Variants in DPP6 observed in about 807,000 individuals in gnomAD.
DPP6 encodes A-type potassium channel modulatory protein DPP6.
Under a neutral mutation model 122.6 loss-of-function variants are expected in DPP6, and 69 were observed. That is an observed-to-expected ratio of 0.56 (90% CI 0.46 to 0.69). DPP6 has a LOEUF of 0.69. DPP6 is among the 30% of genes least tolerant of loss of function. DPP6 has a pLI of 0.00. For missense variants in DPP6, 928 were observed against 1,116.9 expected (o/e 0.83, Z 2.41); for synonymous variants, 418 against 433.1 (o/e 0.97, Z 0.43).
chr7:154,574,236 T>C (rs1285133901), intron 5 of DPP6, among the ~76,000 whole-genome samples: 3 of 138,206 alleles, frequency 2.2e-5, no homozygotes, highest in African/African-American at 8.2e-5. Flanking sequence ...GTGTGTGTGG[T>C]GTGGTGTGTA....
At chr7:153,821,860 A>T in the DPP6 span, among the ~76,000 whole-genome samples, 4 of 151,890 alleles carry the variant, frequency 2.6e-5, no homozygotes, top group Admixed American at 1.3e-4. Flanking sequence ...CTCCAGTGAC[A>T]AGCTCTGTGA....
At chr7:154,888,652 T>A (rs1029475264) in intron 23 of DPP6, among the ~76,000 whole-genome samples, 10 of 152,218 alleles carry the variant, frequency 6.6e-5, no homozygotes, top group Non-Finnish European at 1.2e-4. Context: ...AGGAAACTCT[T>A]CCTTTTTCCC....
In DPP6 at chr7:154,833,976, G is replaced by A. The variant is rs1266994881; in HGVS notation, c.1667-19804G>A. The stretch of plus-strand genomic sequence containing the variant: ...TCTTCACGCAGACAAGAATAAGGAC[G>A]CCTGTCCTCTGAGTACTCACTGCCC... On this transcript the variant is annotated intron_variant, in intron 16 of 25. Coordinates refer to ENST00000377770, the MANE Select transcript of DPP6 (RefSeq NM_130797.4). This position sits in a 1 kb window ranked among gnomAD's most constrained non-coding sequence, Gnocchi z 4.3. 1.3e-5 allele frequency among the ~76,000 whole-genome samples: 2 copies of A among 152,190 alleles called. No individual in the cohort carries two copies. The highest frequency in any genetic ancestry group is 4.8e-5 in the African/African-American group (2 of 41,534).
At chr7:153,859,298 G>A in the DPP6 span, among the ~76,000 whole-genome samples, 13,243 of 152,148 alleles carry the variant, frequency 0.087, 657 homozygotes, top group East Asian at 0.15. Context: ...TTGGCTGAGC[G>A]ACACATGCAA....
At chr7:154,686,345 T>C (rs1388712574) in intron 7 of DPP6, among the ~76,000 whole-genome samples, 1 of 152,010 alleles carries the variant, frequency 6.6e-6, no homozygotes, top group East Asian at 1.9e-4. Context: ...ACCTCTTAAA[T>C]GCACTGTAAA....
chr7:154,701,684 G>T (rs781254420), intron 7 of DPP6, among the ~76,000 whole-genome samples: 5 of 152,178 alleles, frequency 3.3e-5, no homozygotes, highest in Admixed American at 6.5e-5. Context: ...TTCTATGGCT[G>T]CCACCTGTGA....
chr7:154,623,651 ACGCGCACACACACG>A (rs1834872656), intron 5 of DPP6, among the ~76,000 whole-genome samples: 1 of 144,672 alleles, frequency 6.9e-6, no homozygotes, highest in African/African-American at 2.7e-5. Flanking sequence ...ACGCGCACAC[ACGCGCACACACACG>A]CACACACACA....
intron 1 of DPP6, among the ~76,000 whole-genome samples, chr7:154,296,376 C>T (rs1248195194): frequency 6.6e-6 from 1 of 152,150 alleles, no homozygotes; most frequent in African/African-American, 2.4e-5. Flanking sequence ...GACCAAAAGA[C>T]ATTTATTTAC....
At chr7:154,302,442 A>C (rs1805973737) in intron 1 of DPP6, among the ~76,000 whole-genome samples, 1 of 152,248 alleles carries the variant, frequency 6.6e-6, no homozygotes, top group African/African-American at 2.4e-5. Flanking sequence ...GAATGTTCCA[A>C]GGAAAGGTAC....
At chr7:153,979,455 A>G (rs542827245) in intron 1 of DPP6, among the ~76,000 whole-genome samples, 3 of 152,354 alleles carry the variant, frequency 2.0e-5, no homozygotes, top group Non-Finnish European at 2.9e-5. Flanking sequence ...GGCTGAGGCA[A>G]TGGGATTTTC....
intron 8 of DPP6, among the ~76,000 whole-genome samples, chr7:154,744,311 T>C (rs541847992): frequency 6.6e-6 from 1 of 152,282 alleles, no homozygotes; most frequent in East Asian, 1.9e-4. Context: ...CAGCAGCCAG[T>C]AAAGCTAGAA....
chr7:154,060,383 A>C (rs1210375245), intron 1 of DPP6, among the ~76,000 whole-genome samples: 595 of 36,146 alleles, frequency 0.016, 1 homozygote, highest in African/African-American at 0.027. Flanking sequence ...TGGTTCCCCC[A>C]CTGGCTCTTA....
chr7:154,552,770 C>T (rs981625218), intron 4 of DPP6, among the ~76,000 whole-genome samples: 10 of 152,154 alleles, frequency 6.6e-5, no homozygotes, highest in Non-Finnish European at 1.3e-4. Context: ...GGAGGGGACT[C>T]CTCATATCTG....
chr7:154,824,909 G>A (rs979702641), intron 16 of DPP6, among the ~76,000 whole-genome samples: 22 of 152,186 alleles, frequency 1.4e-4, no homozygotes, highest in Non-Finnish European at 2.4e-4. Flanking sequence ...GACAGGAACC[G>A]TTGTGACTCA....
chr7:154,822,455 C>T (rs1440892980), intron 16 of DPP6, among the ~76,000 whole-genome samples: 1 of 152,158 alleles, frequency 6.6e-6, no homozygotes, highest in Non-Finnish European at 1.5e-5. Flanking sequence ...TTTAATCATA[C>T]CCTAAGGCCC....
chr7:154,179,998 G>A (rs1463983323), intron 1 of DPP6, among the ~76,000 whole-genome samples: 4 of 152,148 alleles, frequency 2.6e-5, no homozygotes, highest in African/African-American at 9.7e-5. Context: ...GTTTAAAAAT[G>A]TTGAAAGGTC....
chr7:154,683,829 C>G (rs1294544820), intron 7 of DPP6, among the ~76,000 whole-genome samples: 1 of 152,160 alleles, frequency 6.6e-6, no homozygotes, highest in Non-Finnish European at 1.5e-5. Flanking sequence ...ACTGCGAAGA[C>G]TTTGTATTTG....
intron 1 of DPP6, among the ~76,000 whole-genome samples, chr7:154,331,122 TC>T (rs1808894369): frequency 6.6e-6 from 1 of 152,108 alleles, no homozygotes; most frequent in Admixed American, 6.5e-5. Context: ...CATTTTTTTC[TC>T]CCCCTCAGGT....
the DPP6 span, among the ~76,000 whole-genome samples, chr7:153,843,509 C>T: frequency 5.9e-5 from 9 of 151,546 alleles, no homozygotes; most frequent in East Asian, 1.9e-4. Flanking sequence ...AAACTGGGTC[C>T]GGGGGGTCAC....
Sources: gnomAD v4.1 joint callset for allele counts (sites outside exome capture counted in the v4.1 genomes callset) on GRCh38, gnomAD v4.1.1 for gene constraint, Gnocchi (gnomAD v3.1) non-coding constraint, MANE v1.5 for transcripts, NCBI Gene and HGNC (gene_info 2026-07-23, HGNC 2026-07-21) for gene names.